REPS2: variants seen among roughly 807,000 people sequenced by gnomAD.
The protein encoded by REPS2 is RALBP1 associated Eps domain containing 2.
In REPS2, 23 loss-of-function variants were observed where a neutral mutation model predicts 53.6. The ratio of observed to expected loss-of-function variants is 0.43; its 90% confidence interval spans 0.31 to 0.61. REPS2 has a LOEUF of 0.61. Among genes scored for constraint, REPS2 ranks in the 20% least tolerant of loss-of-function variants. The pLI, the probability that REPS2 is intolerant of heterozygous loss-of-function variation, is 0.11. For missense variants in REPS2, 446 were observed against 534.9 expected (o/e 0.83, Z 1.64); for synonymous variants, 238 against 218.6 (o/e 1.09, Z -0.78).
chrX:17,169,332 A>G, the REPS2 span, among the ~76,000 whole-genome samples: 3 of 112,143 alleles, frequency 2.7e-5, no homozygotes, highest in East Asian at 8.4e-4. Flanking sequence ...AATTGGGGGT[A>G]CATTAGGCTT....
chrX:17,044,132 C>T (rs2061872105), intron 5 of REPS2, among the ~76,000 whole-genome samples: 1 of 111,483 alleles, frequency 9.0e-6, no homozygotes, highest in South Asian at 3.8e-4. Flanking sequence ...AGACCTGAGA[C>T]CTGCCTGCTA....
intron 15 of REPS2, among the ~76,000 whole-genome samples, chrX:17,134,228 A>T (rs888086463): frequency 2.7e-5 from 3 of 111,671 alleles, no homozygotes; most frequent in Non-Finnish European, 5.7e-5. Context: ...TCCACCTGCT[A>T]AGCCTCTGTG....
chrX:17,000,772 A>G (rs752599889), intron 1 of REPS2, among the ~76,000 whole-genome samples: 1 of 112,171 alleles, frequency 8.9e-6, no homozygotes, highest in South Asian at 3.7e-4. Context: ...CAGCATTCTT[A>G]CTTTGGGGAT....
chrX:17,121,451 C>T (rs754854118), intron 14 of REPS2, among the ~76,000 whole-genome samples: 3 of 112,498 alleles, frequency 2.7e-5, no homozygotes, highest in Non-Finnish European at 5.6e-5. Flanking sequence ...CTAGCATGCT[C>T]TGTGGTAGAC....
intron 1 of REPS2, among the ~76,000 whole-genome samples, chrX:16,965,810 C>A (rs1258826631): frequency 8.9e-6 from 1 of 112,672 alleles, no homozygotes; most frequent in Non-Finnish European, 1.9e-5. Context: ...TGCACTCCAG[C>A]CTGGGCACCA....
the REPS2 span, among the ~76,000 whole-genome samples, chrX:17,167,565 TA>T: frequency 9.3e-6 from 1 of 108,009 alleles, no homozygotes; most frequent in African/African-American, 3.4e-5. Context: ...ATGTGTGGTT[TA>T]TATATACAAC....
chrX:17,167,009 G>A, the REPS2 span, among the ~76,000 whole-genome samples: 1 of 112,064 alleles, frequency 8.9e-6, no homozygotes, highest in African/African-American at 3.2e-5. Flanking sequence ...TTAAGATTGG[G>A]ACACCTCCAT....
chrX:16,992,211 T>G (rs1263347013), intron 1 of REPS2, among the ~76,000 whole-genome samples: 1 of 110,674 alleles, frequency 9.0e-6, no homozygotes, highest in Non-Finnish European at 1.9e-5. Flanking sequence ...GAAAAGAGAC[T>G]TGAGGGAGCT....
intron 2 of REPS2, among the ~76,000 whole-genome samples, chrX:17,018,814 A>ATTTTTTTTTT (rs201340371): frequency 9.4e-6 from 1 of 106,397 alleles, no homozygotes; most frequent in Non-Finnish European, 1.9e-5. Flanking sequence ...AAATTGAGGT[A>ATTTTTTTTTT]TTTTTTTTTC....
At chrX:17,160,194 C>CT in the REPS2 span, among the ~76,000 whole-genome samples, 1 of 112,247 alleles carries the variant, frequency 8.9e-6, no homozygotes, top group Admixed American at 9.4e-5. Context: ...TTGGTTTGTT[C>CT]TTTTTCTTTT....
At chrX:16,987,386 G>C (rs2061104544) in intron 1 of REPS2, among the ~76,000 whole-genome samples, 1 of 111,868 alleles carries the variant, frequency 8.9e-6, no homozygotes, top group East Asian at 2.8e-4. Flanking sequence ...CTTCCTAAGA[G>C]GATGTGTTTA....
chrX:17,050,332 G>A (rs1223392104), intron 6 of REPS2, among the ~76,000 whole-genome samples: 1 of 103,200 alleles, frequency 9.7e-6, no homozygotes, highest in African/African-American at 3.6e-5. Flanking sequence ...TGGGACTGCA[G>A]GTGCACATCA....
chrX:17,133,541 T>C (rs1177922211), intron 14 of REPS2, among the ~76,000 whole-genome samples: 1 of 112,300 alleles, frequency 8.9e-6, no homozygotes, highest in East Asian at 2.8e-4. Flanking sequence ...TAGAGTTTGT[T>C]GTTGCGAAGC....
At position 17,062,544 on chromosome X, in the gene REPS2, T is replaced by C; in HGVS notation, c.1209+12T>C. 8.8e-7 allele frequency: 1 copy of C among 1,132,034 alleles called. No homozygotes were observed. The allele number at this position is 1,132,034 out of a possible 1,213,427, so 93.3% of individuals were successfully genotyped here. A position where few individuals can be genotyped will look rare whatever the true frequency, so the allele number is the denominator to read the frequency against. On this transcript the variant is annotated intron_variant, in intron 9 of 17. Coordinates refer to ENST00000357277, the MANE Select transcript of REPS2 (RefSeq NM_004726.3). ...TGAATCGGATGGAGGTAAAAGATCT[T>C]CATATGCTAATAAATAAGGATGTGT...
chrX:17,083,376 G>A (rs866320664), intron 13 of REPS2, among the ~76,000 whole-genome samples: 1 of 111,178 alleles, frequency 9.0e-6, no homozygotes, highest in Non-Finnish European at 1.9e-5. Flanking sequence ...GAGCCACTGC[G>A]CCCAGCCCCG....
chrX:17,111,986 T>G (rs1382668945), intron 14 of REPS2, among the ~76,000 whole-genome samples: 2 of 110,836 alleles, frequency 1.8e-5, no homozygotes, highest in African/African-American at 6.6e-5. Context: ...TTTTTTTTTT[T>G]GAGACAGGGT....
At chrX:17,189,290 C>CT in the REPS2 span, among the ~76,000 whole-genome samples, 1,317 of 99,314 alleles carry the variant, frequency 0.013, 18 homozygotes, top group African/African-American at 0.044. Context: ...TTCTTTTTTT[C>CT]TTTTTTTTTT....
chrX:17,132,547 T>G (rs1182737755), intron 14 of REPS2, among the ~76,000 whole-genome samples: 1 of 112,809 alleles, frequency 8.9e-6, no homozygotes, highest in Admixed American at 9.3e-5. Flanking sequence ...TTCTTTTTTT[T>G]CTTTCCTGAG....
rs1452288203 is a variant in REPS2 at position 17,151,619 on chromosome X, C to A, written c.*4138C>A. On this transcript the variant is annotated 3_prime_UTR_variant, in exon 18 of 18. Coordinates refer to ENST00000357277, the MANE Select transcript of REPS2 (RefSeq NM_004726.3). Reference sequence around the variant, plus strand: ...TGTGGTTTTAAAAATAAAAAGAAAACAATATAACGTATCATGGCAACCAGA... The same window carrying A: ...TGTGGTTTTAAAAATAAAAAGAAAAAAATATAACGTATCATGGCAACCAGA... 1 of 112,068 alleles carries A rather than the reference C, an allele frequency of 8.9e-6. No individual in the cohort carries two copies. The highest frequency in any genetic ancestry group is 1.9e-5 in the Non-Finnish European group (1 of 53,108). The allele number at this position is 112,068 out of a possible 1,213,427, so 9.2% of individuals were successfully genotyped here.
Sources: gnomAD v4.1 joint callset for allele counts (sites outside exome capture counted in the v4.1 genomes callset) on GRCh38, gnomAD v4.1.1 for gene constraint, MANE v1.5 for transcripts, NCBI Gene and HGNC (gene_info 2026-07-23, HGNC 2026-07-21) for gene names.